CNTN1: variants seen among roughly 807,000 people sequenced by gnomAD.
CNTN1 encodes contactin 1.
In CNTN1, 38 loss-of-function variants were observed where a neutral mutation model predicts 126.4. The ratio of observed to expected loss-of-function variants is 0.30; its 90% CI spans 0.23 to 0.39. CNTN1 has a LOEUF of 0.39. Among genes scored for constraint, CNTN1 ranks in the 10% least tolerant of loss-of-function variants. The probability of loss-of-function intolerance (pLI) is 1.00; values close to 1 mark genes in which losing one functional copy is unlikely to be tolerated. For missense variants in CNTN1, 1,009 were observed against 1,248.4 expected (o/e 0.81, Z 2.89); for synonymous variants, 413 against 422.6 (o/e 0.98, Z 0.28).
At chr12:40,725,893 C>G (rs527855818) in intron 1 of CNTN1, among the ~76,000 whole-genome samples, 1 of 150,772 alleles carries the variant, frequency 6.6e-6, no homozygotes, top group South Asian at 2.1e-4. Context: ...ATTACATAGG[C>G]GTTTAGTAGG....
At chr12:40,890,829 A>G (rs747771123) in intron 1 of CNTN1, among the ~76,000 whole-genome samples, 2 of 152,188 alleles carry the variant, frequency 1.3e-5, no homozygotes, top group Non-Finnish European at 2.9e-5. Flanking sequence ...TTTTGTACTG[A>G]CATACATTTT....
At chr12:40,734,765 G>T (rs1359000666) in intron 1 of CNTN1, among the ~76,000 whole-genome samples, 2 of 151,976 alleles carry the variant, frequency 1.3e-5, no homozygotes, top group Non-Finnish European at 1.5e-5. Context: ...AACATAATAA[G>T]CATGCTAAGA....
intron 1 of CNTN1, among the ~76,000 whole-genome samples, chr12:40,829,156 C>G (rs1941720631): frequency 6.6e-6 from 1 of 151,942 alleles, no homozygotes; most frequent in South Asian, 2.1e-4. Context: ...CTGAACATTT[C>G]TTTAGGATGA....
chr12:41,044,998 CT>C (rs1949509989), intron 23 of CNTN1, among the ~76,000 whole-genome samples: 1 of 151,904 alleles, frequency 6.6e-6, no homozygotes, highest in African/African-American at 2.4e-5. Context: ...AATGGATAAT[CT>C]TTTACAATGA....
intron 8 of CNTN1, 21 bp from the exon 9 acceptor site, chr12:40,933,676 C>T (rs375708810): frequency 1.2e-6 from 2 of 1,609,740 alleles, no homozygotes; most frequent in Admixed American, 3.3e-5. Context: ...AAACTTTAAC[C>T]CTTGTATCTT....
chr12:40,935,183 T>G (rs1946039826), intron 9 of CNTN1, among the ~76,000 whole-genome samples: 1 of 152,010 alleles, frequency 6.6e-6, no homozygotes, highest in East Asian at 1.9e-4. Context: ...ACAGTAACAT[T>G]AATGCAATAC....
At chr12:40,791,367 G>C (rs374491887) in intron 1 of CNTN1, among the ~76,000 whole-genome samples, 2 of 152,042 alleles carry the variant, frequency 1.3e-5, no homozygotes, top group Non-Finnish European at 2.9e-5. Context: ...CAAATTCTCT[G>C]CTATGGTCTA....
chr12:40,835,109 G>C (rs1176470962), intron 1 of CNTN1, among the ~76,000 whole-genome samples: 1 of 152,086 alleles, frequency 6.6e-6, no homozygotes, highest in Non-Finnish European at 1.5e-5. Context: ...TATAAAAATA[G>C]CTTATGTTGT....
At chr12:40,915,888 G>A (rs1230501639) in intron 3 of CNTN1, among the ~76,000 whole-genome samples, 2 of 151,994 alleles carry the variant, frequency 1.3e-5, no homozygotes, top group African/African-American at 4.8e-5. Flanking sequence ...TGTAAGAAGT[G>A]GAAACTCAAG....
chr12:40,733,425 G>T (rs1186695123), intron 1 of CNTN1, among the ~76,000 whole-genome samples: 1 of 151,532 alleles, frequency 6.6e-6, no homozygotes, highest in African/African-American at 2.4e-5. Flanking sequence ...CACAATGTGG[G>T]GTTCATATTT....
chr12:40,721,698 C>T (rs1483726065), intron 1 of CNTN1, among the ~76,000 whole-genome samples: 1 of 99,328 alleles, frequency 1.0e-5, no homozygotes, highest in East Asian at 3.2e-4. Flanking sequence ...CTATCCCTCC[C>T]CCCTCCCCCC....
At chr12:40,882,916 T>C (rs1943915129) in intron 1 of CNTN1, among the ~76,000 whole-genome samples, 1 of 151,654 alleles carries the variant, frequency 6.6e-6, no homozygotes, top group Admixed American at 6.6e-5. Flanking sequence ...GGTTTTATTA[T>C]CTGAACTGTA....
intron 1 of CNTN1, among the ~76,000 whole-genome samples, chr12:40,898,469 A>C (rs971357667): frequency 5.3e-5 from 8 of 152,166 alleles, no homozygotes; most frequent in Admixed American, 4.6e-4. Context: ...AAATTGCACA[A>C]TCATTGAGAT....
chr12:40,994,251 C>A (rs181513296), intron 17 of CNTN1, among the ~76,000 whole-genome samples: 3 of 152,182 alleles, frequency 2.0e-5, no homozygotes, highest in Admixed American at 2.0e-4. Context: ...TCCTTTCTCT[C>A]TGACGATTTT....
At chr12:40,831,617 G>C (rs971607538) in intron 1 of CNTN1, among the ~76,000 whole-genome samples, 3 of 152,094 alleles carry the variant, frequency 2.0e-5, no homozygotes, top group African/African-American at 7.2e-5. Context: ...ACTCTGAGGA[G>C]TGCCTCAGTT....
chr12:40,764,918 T>G (rs1233211083), intron 1 of CNTN1, among the ~76,000 whole-genome samples: 1 of 152,182 alleles, frequency 6.6e-6, no homozygotes, highest in East Asian at 1.9e-4. Flanking sequence ...TGGTTTATGA[T>G]TTCAAATTAA....
intron 1 of CNTN1, among the ~76,000 whole-genome samples, chr12:40,893,353 T>C (rs560405734): frequency 2.0e-5 from 3 of 152,094 alleles, no homozygotes; most frequent in East Asian, 1.9e-4. Flanking sequence ...TAACAAACTT[T>C]ATATGTTCAA....
chr12:40,766,721 A>G (rs912956055), intron 1 of CNTN1, among the ~76,000 whole-genome samples: 8 of 152,200 alleles, frequency 5.3e-5, no homozygotes, highest in Admixed American at 5.2e-4. Context: ...GAGATGTTGG[A>G]CAGTAGAGAG....
chr12:41,028,417 T>C lies in CNTN1; in HGVS notation c.2823+448T>C, dbSNP rs117138965. Among the ~76,000 whole-genome samples, 1,163 of 152,266 alleles carry C rather than the reference T, an allele frequency of 7.6e-3. 3 individuals are homozygous for C. Among genetic ancestry groups the C allele is most frequent in the Non-Finnish European group, 0.013 (908 of 68,018 alleles). Reference sequence around the variant, plus strand: ...TGATACATTTTGAAATGGAAAACATTATCTTCAGTGAATTTCAGCAAAATG... The same window carrying C: ...TGATACATTTTGAAATGGAAAACATCATCTTCAGTGAATTTCAGCAAAATG... On this transcript the variant is annotated intron_variant, in intron 22 of 23. Coordinates refer to ENST00000551295, the MANE Select transcript of CNTN1 (RefSeq NM_001843.4).
Sources: gnomAD v4.1 joint callset for allele counts (sites outside exome capture counted in the v4.1 genomes callset) on GRCh38, gnomAD v4.1.1 for gene constraint, MANE v1.5 for transcripts, NCBI Gene and HGNC (gene_info 2026-07-23, HGNC 2026-07-21) for gene names.